The following TEAD1 variants were observed in gnomAD, a reference collection of about 807,000 sequenced individuals.
The protein encoded by TEAD1 is transcriptional enhancer factor TEF-1.
A neutral mutation model predicts 54.9 loss-of-function variants in TEAD1; 9 were observed. That is an observed-to-expected ratio of 0.16 (90% confidence interval 0.10 to 0.29). TEAD1 has a LOEUF of 0.29. Ranked by LOEUF, TEAD1 falls within the 10% of genes least tolerant of loss-of-function variation. The probability of loss-of-function intolerance (pLI) is 1.00; values close to 1 mark genes in which losing one functional copy is unlikely to be tolerated. For missense variants in TEAD1, 387 were observed against 535.9 expected, an observed-to-expected ratio of 0.72 and a Z score of 2.74; for synonymous variants, 200 against 187.8, an observed-to-expected ratio of 1.07 and a Z score of -0.53.
chr11:12,711,838 G>T (rs1486656397), intron 2 of TEAD1, among the ~76,000 whole-genome samples: 1 of 152,170 alleles, frequency 6.6e-6, no homozygotes, highest in African/African-American at 2.4e-5. Context: ...CCCTCAGGAG[G>T]TTCTGCTCCT....
intron 9 of TEAD1, among the ~76,000 whole-genome samples, chr11:12,892,031 G>T (rs1032417342): frequency 6.6e-6 from 1 of 152,348 alleles, no homozygotes; most frequent in South Asian, 2.1e-4. Flanking sequence ...TCTCCCCTCT[G>T]GGGGACTGGC....
At chr11:12,714,545 G>A (rs1944013522) in intron 2 of TEAD1, among the ~76,000 whole-genome samples, 1 of 152,120 alleles carries the variant, frequency 6.6e-6, no homozygotes. Flanking sequence ...CTGTGTCCTG[G>A]CCTAGGCACT....
chr11:12,692,416 T>G (rs1943477806), intron 2 of TEAD1, among the ~76,000 whole-genome samples: 1 of 152,182 alleles, frequency 6.6e-6, no homozygotes. Context: ...AGTCCTGAAA[T>G]TATCATCATT....
At chr11:12,731,559 T>A (rs1388885466) in intron 2 of TEAD1, among the ~76,000 whole-genome samples, 1 of 152,204 alleles carries the variant, frequency 6.6e-6, no homozygotes, top group African/African-American at 2.4e-5. Flanking sequence ...CTTACTGCAA[T>A]TAATAACAAT....
At chr11:12,757,511 C>T (rs1945007459) in intron 2 of TEAD1, among the ~76,000 whole-genome samples, 1 of 152,140 alleles carries the variant, frequency 6.6e-6, no homozygotes, top group African/African-American at 2.4e-5. Flanking sequence ...TATTAGTTGC[C>T]AATAATTGTG....
intron 2 of TEAD1, among the ~76,000 whole-genome samples, chr11:12,763,044 C>T (rs180927738): frequency 1.3e-5 from 2 of 152,068 alleles, no homozygotes; most frequent in Non-Finnish European, 2.9e-5. Context: ...TTTTGGGAGG[C>T]CTTTGAATTA....
chr11:12,674,649 G>C lies in TEAD1; in HGVS notation c.-393G>C, dbSNP rs1943036096. The C allele has an allele frequency of 6.6e-6, 1 of 151,186 alleles. No individual in the cohort carries two copies. The highest frequency in any genetic ancestry group is 2.1e-4 in the South Asian group (1 of 4,828). 9.4% of individuals were successfully genotyped at this position (151,186 alleles called of 1,614,324 possible). On this transcript the variant is annotated 5_prime_UTR_variant, in exon 1 of 13. Coordinates refer to ENST00000527636, the MANE Select transcript of TEAD1 (RefSeq NM_021961.6). ...CCCCCCACCCCTCCACCTTTGCCCG[G>C]AGCGCGGGCAGCAGCCCAGCGCGCC... is the stretch of plus-strand genomic sequence containing the variant.
intron 2 of TEAD1, among the ~76,000 whole-genome samples, chr11:12,737,219 C>A (rs3890064): frequency 0.46 from 69,626 of 151,234 alleles, 16,903 homozygotes; most frequent in African/African-American, 0.62. Flanking sequence ...CTTACCTAGC[C>A]CAAGTTAAAA....
chr11:12,786,942 G>A (rs1222075033), intron 3 of TEAD1, among the ~76,000 whole-genome samples: 3 of 152,132 alleles, frequency 2.0e-5, no homozygotes, highest in African/African-American at 7.2e-5. Context: ...ATCAAAGCTC[G>A]GGCATGCCTC....
At chr11:12,798,592 C>A (rs1402490448) in intron 3 of TEAD1, among the ~76,000 whole-genome samples, 1 of 152,130 alleles carries the variant, frequency 6.6e-6, no homozygotes, top group East Asian at 1.9e-4. Flanking sequence ...AGTTGGAACC[C>A]GTGGTGGGTA....
intron 3 of TEAD1, among the ~76,000 whole-genome samples, chr11:12,842,666 G>A (rs1947064400): frequency 1.3e-5 from 2 of 152,154 alleles, no homozygotes; most frequent in African/African-American, 2.4e-5. Context: ...TCTGAAGGCC[G>A]TTTCCTTTTT....
chr11:12,801,936 T>G lies in TEAD1; in HGVS notation c.202+37502T>G, dbSNP rs113112386. ...CACAATAGCTTGGTTGAGTTTGGCTTAATGTAGATATGTTTAATATAATTA... is the reference window on the plus strand; with the variant it reads ...CACAATAGCTTGGTTGAGTTTGGCTGAATGTAGATATGTTTAATATAATTA... On this transcript the variant is annotated intron_variant, in intron 3 of 12. Transcript: ENST00000527636. Among the ~76,000 whole-genome samples the G allele has an allele frequency of 9.2e-3, 1,396 of 152,314 alleles. 24 individuals carry two copies. Among genetic ancestry groups the G allele is most frequent in the African/African-American group, 0.031 (1,301 of 41,560 alleles).
At chr11:12,891,648 A>G (rs1007404443) in intron 9 of TEAD1, among the ~76,000 whole-genome samples, 1 of 152,230 alleles carries the variant, frequency 6.6e-6, no homozygotes, top group African/African-American at 2.4e-5. Flanking sequence ...GCTTGTTGAA[A>G]TACCTATTAG....
In TEAD1 at chr11:12,939,590, C is replaced by G. The variant is rs1949141238; in HGVS notation, c.*2368C>G. On this transcript the variant is annotated 3_prime_UTR_variant, in exon 13 of 13. Coordinates refer to ENST00000527636, the MANE Select transcript of TEAD1 (RefSeq NM_021961.6). ...GGCACAGAGACGGGGACAGCCCAGT[C>G]TGCTGACCTCACAGGGTCAGCTGGG... The G allele has an allele frequency of 6.6e-6, 1 of 152,260 alleles. No homozygotes were observed. The highest frequency in any genetic ancestry group is 2.4e-5 in the African/African-American group (1 of 41,470). The allele number at this position is 152,260 out of a possible 1,614,324, so 9.4% of individuals were successfully genotyped here.
intron 12 of TEAD1, among the ~76,000 whole-genome samples, chr11:12,934,630 C>CA (rs1949068711): frequency 2.0e-5 from 3 of 151,200 alleles, no homozygotes; most frequent in African/African-American, 7.3e-5. Context: ...GTCATGAAAT[C>CA]AAAAGACTTG....
chr11:12,809,018 A>G (rs1946234934), intron 3 of TEAD1, among the ~76,000 whole-genome samples: 1 of 152,228 alleles, frequency 6.6e-6, no homozygotes, highest in Non-Finnish European at 1.5e-5. Flanking sequence ...GCTTGTGTTA[A>G]GGAAAGGAAT....
intron 3 of TEAD1, among the ~76,000 whole-genome samples, chr11:12,765,957 G>A (rs758285282): frequency 2.6e-5 from 4 of 152,160 alleles, no homozygotes; most frequent in Non-Finnish European, 5.9e-5. Flanking sequence ...TGAAAATGCA[G>A]CTCCCTTTCT....
In TEAD1 at chr11:12,802,521, G is replaced by C. The variant is rs144813204; in HGVS notation, c.202+38087G>C. Reference sequence around the variant, plus strand: ...ACCGCCGCCCGACCCTTCACAGATAGTGTTTGACAAAACACTATTTAGGAA... The same window carrying C: ...ACCGCCGCCCGACCCTTCACAGATACTGTTTGACAAAACACTATTTAGGAA... On this transcript the variant is annotated intron_variant, in intron 3 of 12. Coordinates refer to ENST00000527636, the MANE Select transcript of TEAD1 (RefSeq NM_021961.6). Among the ~76,000 whole-genome samples, 174 of 152,154 alleles carry C rather than the reference G, an allele frequency of 1.1e-3. 1 individual carries two copies. Among genetic ancestry groups the C allele is most frequent in the African/African-American group, 3.8e-3 (156 of 41,442 alleles).
chr11:12,909,123 CTTTTA>C (rs1184776223), intron 10 of TEAD1, among the ~76,000 whole-genome samples: 1 of 152,144 alleles, frequency 6.6e-6, no homozygotes, highest in Non-Finnish European at 1.5e-5. Flanking sequence ...TCTACATCTG[CTTTTA>C]TTTTTTCTTC....
Sources: gnomAD v4.1 joint callset for allele counts (sites outside exome capture counted in the v4.1 genomes callset) on GRCh38, gnomAD v4.1.1 for gene constraint, MANE v1.5 for transcripts, NCBI Gene and HGNC (gene_info 2026-07-23, HGNC 2026-07-21) for gene names.